RAPGEF2: variants seen among roughly 807,000 people sequenced by gnomAD.
RAPGEF2 encodes the protein PDZ domain containing guanine nucleotide exchange factor (GEF) 1.
Under a neutral mutation model 186.7 loss-of-function variants are expected in RAPGEF2, and 54 were observed. The observed-to-expected ratio is 0.29, with a 90% confidence interval of 0.23 to 0.36. The LOEUF (loss-of-function observed/expected upper bound fraction) is 0.36, where lower values mean the gene tolerates loss of function less well. RAPGEF2 is among the 10% of genes least tolerant of loss of function. The pLI is 1.00. For missense variants in RAPGEF2, 1,532 were observed against 2,045.0 expected (o/e 0.75, Z 4.84); for synonymous variants, 712 against 705.9 (o/e 1.01, Z -0.14).
At chr4:159,252,675 T>C (rs1414491488) in intron 7 of RAPGEF2, among the ~76,000 whole-genome samples, 1 of 152,216 alleles carries the variant, frequency 6.6e-6, no homozygotes, top group Non-Finnish European at 1.5e-5. Flanking sequence ...GTCAGAGGGT[T>C]CTGCTGAAGT....
chr4:159,302,409 C>T (rs1007358834), intron 7 of RAPGEF2, among the ~76,000 whole-genome samples: 1 of 152,012 alleles, frequency 6.6e-6, no homozygotes, highest in African/African-American at 2.4e-5. Context: ...CAATAGAAAT[C>T]AGTTTATTGT....
intron 11 of RAPGEF2, among the ~76,000 whole-genome samples, chr4:159,326,444 A>G (rs918325208): frequency 3.3e-5 from 5 of 152,364 alleles, no homozygotes; most frequent in Middle Eastern, 3.4e-3. Context: ...TGCCATCATT[A>G]TCTTATATTT....
At chr4:159,279,158 C>T (rs142277292) in intron 7 of RAPGEF2, among the ~76,000 whole-genome samples, 2 of 152,326 alleles carry the variant, frequency 1.3e-5, no homozygotes, top group East Asian at 3.9e-4. Context: ...CATTTATGAT[C>T]TCATTGAATC....
chr4:159,309,508 T>C (rs1017524754), intron 8 of RAPGEF2, among the ~76,000 whole-genome samples: 1 of 152,090 alleles, frequency 6.6e-6, no homozygotes, highest in Non-Finnish European at 1.5e-5. Context: ...GAATATAAGC[T>C]GGATATGAAA....
intron 19 of RAPGEF2, among the ~76,000 whole-genome samples, chr4:159,340,820 C>T (rs1011081586): frequency 4.6e-5 from 7 of 151,098 alleles, no homozygotes; most frequent in Non-Finnish European, 8.8e-5. Context: ...CACACGTGTG[C>T]GTGCAACAAA....
intron 2 of RAPGEF2, among the ~76,000 whole-genome samples, chr4:159,191,395 G>T (rs1748102329): frequency 6.6e-6 from 1 of 152,092 alleles, no homozygotes; most frequent in Non-Finnish European, 1.5e-5. Flanking sequence ...GAGTTTTAGG[G>T]ACCAAATGAT....
At chr4:159,295,614 A>G (rs1390398283) in intron 7 of RAPGEF2, among the ~76,000 whole-genome samples, 2 of 152,034 alleles carry the variant, frequency 1.3e-5, no homozygotes, top group Admixed American at 6.5e-5. Context: ...GACACTTTCA[A>G]TGGTTCTAAT....
chr4:159,157,687 A>G (rs1744276530), intron 1 of RAPGEF2, among the ~76,000 whole-genome samples: 1 of 152,214 alleles, frequency 6.6e-6, no homozygotes, highest in African/African-American at 2.4e-5. Context: ...GGGAAGGGGA[A>G]ACCTTATGAG....
At chr4:159,236,917 T>A (rs1364280654) in intron 4 of RAPGEF2, among the ~76,000 whole-genome samples, 1 of 152,234 alleles carries the variant, frequency 6.6e-6, no homozygotes, top group Non-Finnish European at 1.5e-5. Context: ...AAAAGTACTC[T>A]AATGTGTATG....
At chr4:159,355,812 A>T (rs1377599126) in intron 28 of RAPGEF2, 41 bp from the exon 29 acceptor site, 3 of 1,480,044 alleles carry the variant, frequency 2.0e-6, no homozygotes, top group Non-Finnish European at 2.7e-6. Context: ...CTTTTGTGGC[A>T]TGAACTAGTT....
chr4:159,344,727 C>A (rs535684716), intron 23 of RAPGEF2, among the ~76,000 whole-genome samples: 1 of 152,040 alleles, frequency 6.6e-6, no homozygotes, highest in African/African-American at 2.4e-5. Context: ...TGTATAATAT[C>A]CTCTTTAGGA....
At chr4:159,342,247 G>C (rs1442569062) in intron 20 of RAPGEF2, among the ~76,000 whole-genome samples, 1 of 151,696 alleles carries the variant, frequency 6.6e-6, no homozygotes, top group Non-Finnish European at 1.5e-5. Flanking sequence ...TTTTAAGTTT[G>C]TTTCAACTTT....
intron 4 of RAPGEF2, among the ~76,000 whole-genome samples, chr4:159,235,583 C>A (rs1753166797): frequency 6.6e-6 from 1 of 152,108 alleles, no homozygotes. Flanking sequence ...CCATTTTTTT[C>A]CACTAAGTAA....
chr4:159,339,471 A>G, intron 19 of RAPGEF2, 117 bp downstream of exon 19: 2 of 1,317,540 alleles, frequency 1.5e-6, no homozygotes, highest in Non-Finnish European at 2.1e-6. Flanking sequence ...CTGCGATTAA[A>G]AAGTATTGTT....
intron 1 of RAPGEF2, among the ~76,000 whole-genome samples, chr4:159,131,519 A>ATTGTTTTTTTTTTTTTTTTTTTTTT: frequency 1.1e-4 from 4 of 37,212 alleles, no homozygotes; most frequent in African/African-American, 2.4e-4. Context: ...ATTAATTGCT[A>ATTGTTTTTTTTTTTTTTTTTTTTTT]TTTTTTTTTT....
chr4:159,137,953 ATTCTT>A (rs920576818), intron 1 of RAPGEF2, among the ~76,000 whole-genome samples: 1 of 152,226 alleles, frequency 6.6e-6, no homozygotes, highest in Admixed American at 6.5e-5. Context: ...GGGTTTTTAA[ATTCTT>A]TTCTTGAGTG....
intron 9 of RAPGEF2, among the ~76,000 whole-genome samples, chr4:159,320,526 T>C (rs1170861591): frequency 1.3e-5 from 2 of 152,160 alleles, no homozygotes; most frequent in Admixed American, 1.3e-4. Context: ...CTGAGTCAGT[T>C]TGTGCAACAC....
chr4:159,260,275 C>T (rs1306378745), intron 7 of RAPGEF2, among the ~76,000 whole-genome samples: 2 of 151,712 alleles, frequency 1.3e-5, no homozygotes, highest in African/African-American at 4.9e-5. Flanking sequence ...CCACTGCACC[C>T]AGCCTAATTT....
At chr4:159,167,352 G>A (rs1274411616) in intron 1 of RAPGEF2, among the ~76,000 whole-genome samples, 2 of 152,222 alleles carry the variant, frequency 1.3e-5, no homozygotes, top group East Asian at 3.9e-4. Context: ...GAATTGTGGT[G>A]GTTTGTAAAA....
Sources: allele counts gnomAD v4.1 joint callset (sites outside exome capture counted in the v4.1 genomes callset), GRCh38; gene constraint gnomAD v4.1.1; transcripts MANE v1.5; gene names NCBI Gene and HGNC (gene_info 2026-07-23, HGNC 2026-07-21).